GLCCI1: variants seen among roughly 807,000 people sequenced by gnomAD.
The protein encoded by GLCCI1 is glucocorticoid induced 1.
In GLCCI1, 24 loss-of-function variants were observed where a neutral mutation model predicts 52.2. That is an observed-to-expected ratio of 0.46 (90% CI 0.33 to 0.65). The LOEUF (loss-of-function observed/expected upper bound fraction) is 0.65, where lower values mean the gene tolerates loss of function less well. Among genes scored for constraint, GLCCI1 ranks in the 30% least tolerant of loss-of-function variants. The pLI, the probability that GLCCI1 is intolerant of heterozygous loss-of-function variation, is 0.02. For synonymous variants in GLCCI1, 310 were observed against 276.5 expected, an observed-to-expected ratio of 1.12 and a Z score of -1.20; for missense variants, 704 against 701.5, an observed-to-expected ratio of 1.00 and a Z score of -0.04.
intron 3 of GLCCI1, among the ~76,000 whole-genome samples, chr7:8,023,929 C>G (rs1338945280): frequency 2.0e-5 from 3 of 152,032 alleles, no homozygotes. Flanking sequence ...AAACTCACTA[C>G]TTTACAAAAA....
chr7:8,085,146 G>C, intron 7 of GLCCI1, 129 bp downstream of exon 7: 1 of 1,024,534 alleles, frequency 9.8e-7, no homozygotes, highest in Non-Finnish European at 1.4e-6. Flanking sequence ...ATTATGTAAA[G>C]AGAATTGAAT....
At chr7:8,072,199 C>T (rs555578113) in intron 6 of GLCCI1, among the ~76,000 whole-genome samples, 1 of 152,242 alleles carries the variant, frequency 6.6e-6, no homozygotes, top group East Asian at 1.9e-4. Flanking sequence ...TTTAATTTCC[C>T]CTGTTACTAG....
rs1427219422 is a variant in GLCCI1, at chr7:7,969,483, G to A, written c.133G>A (p.Gly45Ser). ...CGCCGGGAGCGGGAACGGTGCGGGC[G>A]GCGGCGGCGGCGTGGGCTGCGCCCC... ...AAAGSGNGAG[G>S]GGGVGCAPAA... Residue 45 changes from glycine (G) to serine (S), a missense_variant, in exon 1 of 8, where the codon GGC becomes AGC. This residue lies in a region of GLCCI1 where 547 missense variants were observed against 524.8 expected (regional missense o/e 1.04). Coordinates refer to ENST00000223145, the MANE Select transcript of GLCCI1 (RefSeq NM_138426.4). This position sits in a 1 kb window ranked among gnomAD's most constrained non-coding sequence, Gnocchi z 4.9. 6.8e-6 allele frequency: 7 copies of A among 1,027,616 alleles called. No homozygotes were observed. The highest frequency in any genetic ancestry group is 1.2e-4 in the Admixed American group (2 of 17,174). The allele number at this position is 1,027,616 out of a possible 1,614,324, so 63.7% of individuals were successfully genotyped here. A position where few individuals can be genotyped will look rare whatever the true frequency, so the allele number is the denominator to read the frequency against.
intron 1 of GLCCI1, among the ~76,000 whole-genome samples, chr7:7,976,116 C>T (rs538407695): frequency 3.9e-5 from 6 of 152,082 alleles, no homozygotes; most frequent in East Asian, 1.9e-4. Context: ...GAACAGTGTA[C>T]GTATATAACT....
chr7:7,976,960 A>T lies in GLCCI1; in HGVS notation c.457+7153A>T, dbSNP rs555778424. On this transcript the variant is annotated intron_variant, in intron 1 of 7. Transcript: ENST00000223145. The stretch of plus-strand genomic sequence containing the variant: ...AAGTTAAGAAATCCACCAACCATCT[A>T]GATGTGTTTCGTAATGAAAAGGTGA... Among the ~76,000 whole-genome samples, 2 of 152,050 alleles carry T rather than the reference A, an allele frequency of 1.3e-5. 1 individual carries two copies. The highest frequency in any genetic ancestry group is 4.2e-4 in the South Asian group (2 of 4,810).
intron 3 of GLCCI1, among the ~76,000 whole-genome samples, chr7:8,027,719 A>C (rs1249287505): frequency 1.3e-5 from 2 of 152,132 alleles, no homozygotes; most frequent in Admixed American, 6.5e-5. Context: ...TCTATTGCCT[A>C]CAAGAAACAC....
chr7:8,059,816 A>G (rs1021561109), intron 4 of GLCCI1, among the ~76,000 whole-genome samples: 1 of 152,250 alleles, frequency 6.6e-6, no homozygotes, highest in Admixed American at 6.5e-5. Flanking sequence ...TAAATAATGC[A>G]GAAGATTCTG....
At chr7:8,081,184 C>CG (rs1782986926) in intron 6 of GLCCI1, among the ~76,000 whole-genome samples, 1 of 152,094 alleles carries the variant, frequency 6.6e-6, no homozygotes, top group Non-Finnish European at 1.5e-5. Context: ...CACGTGGGAG[C>CG]TTTACCCCCC....
At chr7:8,014,709 G>A (rs1781340765) in intron 2 of GLCCI1, among the ~76,000 whole-genome samples, 1 of 152,096 alleles carries the variant, frequency 6.6e-6, no homozygotes, top group Non-Finnish European at 1.5e-5. Context: ...TTTTTGGATT[G>A]TAGCACTTTA....
At chr7:8,003,018 T>C (rs1429787823) in intron 1 of GLCCI1, among the ~76,000 whole-genome samples, 2 of 152,234 alleles carry the variant, frequency 1.3e-5, no homozygotes, top group Admixed American at 6.5e-5. Context: ...ATTCTTCGTC[T>C]GTGAATGAGG....
intron 1 of GLCCI1, among the ~76,000 whole-genome samples, chr7:8,002,172 A>C (rs2115425499): frequency 6.6e-6 from 1 of 152,294 alleles, no homozygotes; most frequent in Middle Eastern, 3.4e-3. Context: ...AAAATGTGCA[A>C]AAAATAAAGA....
chr7:7,992,546 A>G (rs79570824), intron 1 of GLCCI1, among the ~76,000 whole-genome samples: 3 of 152,178 alleles, frequency 2.0e-5, no homozygotes, highest in African/African-American at 7.2e-5. Context: ...TTTATCAGAT[A>G]TATTTGATAT....
chr7:7,981,108 G>A (rs1047904471), intron 1 of GLCCI1: 6 of 465,298 alleles, frequency 1.3e-5, no homozygotes, highest in Middle Eastern at 4.2e-4. Flanking sequence ...TTAAACCTCC[G>A]GAAAAATCTG....
intron 4 of GLCCI1, among the ~76,000 whole-genome samples, chr7:8,058,262 C>T (rs1338155849): frequency 1.3e-5 from 2 of 152,080 alleles, no homozygotes; most frequent in East Asian, 3.8e-4. Flanking sequence ...ATATAAGACA[C>T]ATAAATGGGA....
chr7:8,008,077 A>G (rs1781192602), intron 2 of GLCCI1, among the ~76,000 whole-genome samples: 1 of 147,564 alleles, frequency 6.8e-6, no homozygotes, highest in East Asian at 2.0e-4. Flanking sequence ...TCATTTTTTT[A>G]TGTGTGGTGA....
intron 3 of GLCCI1, chr7:8,024,783 A>G (rs1440974372): frequency 1.3e-5 from 2 of 152,222 alleles, no homozygotes; most frequent in African/African-American, 4.8e-5. Context: ...ACAAACTGAG[A>G]AGCTTTATTC....
chr7:8,008,900 T>G lies in GLCCI1; in HGVS notation c.609+4841T>G, dbSNP rs1037524133. Among the ~76,000 whole-genome samples the G allele has an allele frequency of 6.6e-5, 10 of 150,404 alleles. No individual in the cohort carries two copies. The East Asian group carries it at 1.9e-3, about 29-fold the overall frequency. On this transcript the variant is annotated intron_variant, in intron 2 of 7. Coordinates refer to ENST00000223145, the MANE Select transcript of GLCCI1 (RefSeq NM_138426.4). ...GCTTTATGGGCCTTCACTGAACAGT[T>G]TTTTTTTTAACTGTTCTGTTTGAAA...
At chr7:8,081,943 A>T (rs182745962) in intron 6 of GLCCI1, among the ~76,000 whole-genome samples, 30 of 152,304 alleles carry the variant, frequency 2.0e-4, no homozygotes, top group Admixed American at 3.9e-4. Flanking sequence ...GACATTAGCT[A>T]TGATGTTAAA....
chr7:8,088,739 TTTA>T lies in GLCCI1; in HGVS notation c.*2204_*2206del, dbSNP rs1235438905. 24 of 152,762 alleles carry T rather than the reference TTTA, an allele frequency of 1.6e-4. No individual in the cohort carries two copies. Among genetic ancestry groups the T allele is most frequent in the African/African-American group, 4.6e-4 (19 of 41,582 alleles). 9.5% of individuals were successfully genotyped at this position (152,762 alleles called of 1,614,324 possible). On this transcript the variant is annotated 3_prime_UTR_variant, in exon 8 of 8. Coordinates refer to ENST00000223145, the MANE Select transcript of GLCCI1 (RefSeq NM_138426.4). ...TGTACGATATTTATAGTGATGTGCTTTTATTTTCTCATGAGATACTAAATATTA... is the reference window on the plus strand; with the variant it reads ...TGTACGATATTTATAGTGATGTGCTTTTTTCTCATGAGATACTAAATATTA...
Sources: gnomAD v4.1 joint callset for allele counts (sites outside exome capture counted in the v4.1 genomes callset) on GRCh38, gnomAD v4.1.1 for gene constraint, gnomAD v4.1.1 regional missense constraint, Gnocchi (gnomAD v3.1) non-coding constraint, MANE v1.5 for transcripts, NCBI Gene and HGNC (gene_info 2026-07-23, HGNC 2026-07-21) for gene names.